Variants in NEK10 observed in about 807,000 individuals in gnomAD.
The protein encoded by NEK10 is serine/threonine-protein kinase Nek10.
In NEK10, 122 loss-of-function variants were observed where a neutral mutation model predicts 159.8. That is an observed-to-expected ratio of 0.76 (90% CI 0.66 to 0.89). The LOEUF (loss-of-function observed/expected upper bound fraction) is 0.89, where lower values mean the gene tolerates loss of function less well. NEK10 is among the 40% of genes least tolerant of loss of function. The probability of loss-of-function intolerance (pLI) is 0.00; values close to 1 mark genes in which losing one functional copy is unlikely to be tolerated. For synonymous variants in NEK10, 466 were observed against 457.1 expected, an observed-to-expected ratio of 1.02 and a Z score of -0.25; for missense variants, 1,342 against 1,323.1, an observed-to-expected ratio of 1.01 and a Z score of -0.22.
At chr3:27,166,569 GA>G (rs1327569139) in intron 29 of NEK10, among the ~76,000 whole-genome samples, 1 of 152,182 alleles carries the variant, frequency 6.6e-6, no homozygotes, top group African/African-American at 2.4e-5. Context: ...CCGCTTTTAA[GA>G]GGCAAGATCC....
At chr3:27,327,729 CTCTG>C (rs1433521437) in intron 5 of NEK10, among the ~76,000 whole-genome samples, 1 of 152,306 alleles carries the variant, frequency 6.6e-6, no homozygotes, top group East Asian at 1.9e-4. Flanking sequence ...TTGTAGCACA[CTCTG>C]TCTTTTTCAT....
chr3:27,134,444 G>A (rs568829730), intron 31 of NEK10, among the ~76,000 whole-genome samples: 5 of 152,190 alleles, frequency 3.3e-5, no homozygotes, highest in Admixed American at 1.3e-4. Context: ...GAAAGGCAGC[G>A]AGCCTTCTCT....
intron 28 of NEK10, 99 bp downstream of exon 28, chr3:27,174,340 G>T: frequency 6.3e-7 from 1 of 1,578,588 alleles, no homozygotes. Context: ...ACAAACCACT[G>T]GGTTATGTAT....
At chr3:27,254,918 TACAC>T (rs3035705) in intron 23 of NEK10, among the ~76,000 whole-genome samples, 2,347 of 141,820 alleles carry the variant, frequency 0.017, 22 homozygotes, top group Middle Eastern at 0.026. Flanking sequence ...CTCTTTCTCT[TACAC>T]ACACACACAC....
intron 30 of NEK10, 159 bp downstream of exon 30, chr3:27,162,542 T>C: frequency 3.1e-6 from 5 of 1,614,142 alleles, no homozygotes; most frequent in Non-Finnish European, 4.2e-6. Context: ...TCTATTTCCT[T>C]AATGTGGGCC....
intron 1 of NEK10, among the ~76,000 whole-genome samples, chr3:27,355,338 C>A (rs1382351152): frequency 6.6e-6 from 1 of 152,070 alleles, no homozygotes; most frequent in African/African-American, 2.4e-5. Context: ...TCAGCCCTAA[C>A]CCCATTCTGA....
At chr3:27,205,636 G>A (rs1315329820) in intron 23 of NEK10, among the ~76,000 whole-genome samples, 1 of 139,484 alleles carries the variant, frequency 7.2e-6, no homozygotes, top group African/African-American at 2.9e-5. Flanking sequence ...AAATGGTGCT[G>A]GGAAAACTGG....
At chr3:27,228,853 T>A (rs945870337) in intron 23 of NEK10, among the ~76,000 whole-genome samples, 3 of 152,156 alleles carry the variant, frequency 2.0e-5, no homozygotes, top group African/African-American at 7.2e-5. Context: ...CCTTTCCTGC[T>A]GGCCTGGCAG....
chr3:27,176,443 C>T (rs537141639), intron 26 of NEK10, among the ~76,000 whole-genome samples: 2 of 152,292 alleles, frequency 1.3e-5, no homozygotes, highest in South Asian at 2.1e-4. Context: ...AAGATATATG[C>T]TACTCAGAAA....
At chr3:27,243,287 GAAAT>G (rs1236805712) in intron 23 of NEK10, among the ~76,000 whole-genome samples, 1 of 152,014 alleles carries the variant, frequency 6.6e-6, no homozygotes, top group Admixed American at 6.6e-5. Flanking sequence ...AATGAGTTAA[GAAAT>G]AAATTGATGT....
chr3:27,252,768 G>C (rs926168615), intron 23 of NEK10: 1 of 404,386 alleles, frequency 2.5e-6, no homozygotes, highest in African/African-American at 2.1e-5. Flanking sequence ...ATGTGCAAAG[G>C]CCCTGTGGTC....
intron 23 of NEK10, among the ~76,000 whole-genome samples, chr3:27,246,007 G>C (rs1318266476): frequency 6.6e-6 from 1 of 152,044 alleles, no homozygotes; most frequent in Non-Finnish European, 1.5e-5. Flanking sequence ...ACTTGTAAAA[G>C]TAAAGACTAT....
rs117738816 is a variant in NEK10, at chr3:27,264,063, G to C, written c.2015-7692C>G. Among the ~76,000 whole-genome samples the C allele has an allele frequency of 5.8e-4, 88 of 152,266 alleles. No homozygotes were observed. The East Asian group carries it at 0.015, about 26-fold the overall frequency. On this transcript the variant is annotated intron_variant, in intron 22 of 35. Coordinates refer to ENST00000691995, the MANE Select transcript of NEK10 (RefSeq NM_001394966.1). ...ATAGATGAGGAAATAGGCTCAAAGA[G>C]AATGTGTGACTTGCCCAATGTCTCA...
intron 5 of NEK10, among the ~76,000 whole-genome samples, chr3:27,329,161 C>G (rs1469471998): frequency 6.6e-6 from 1 of 152,178 alleles, no homozygotes; most frequent in Non-Finnish European, 1.5e-5. Context: ...TTTCCCTGCA[C>G]AAGCTCTTTT....
intron 31 of NEK10, among the ~76,000 whole-genome samples, chr3:27,136,444 C>T (rs1943228038): frequency 6.6e-6 from 1 of 152,014 alleles, no homozygotes; most frequent in South Asian, 2.1e-4. Context: ...TGCTATATAT[C>T]CTGATTTTCA....
intron 35 of NEK10, among the ~76,000 whole-genome samples, chr3:27,115,468 A>G (rs191752266): frequency 6.3e-4 from 96 of 152,342 alleles, no homozygotes; most frequent in Admixed American, 5.6e-3. Flanking sequence ...AAATGGCAAC[A>G]TACAATAGCA....
At chr3:27,217,042 G>A (rs1951605844) in intron 23 of NEK10, among the ~76,000 whole-genome samples, 1 of 152,106 alleles carries the variant, frequency 6.6e-6, no homozygotes, top group Admixed American at 6.5e-5. Flanking sequence ...TTACTTATGA[G>A]TGATAAAGAT....
intron 26 of NEK10, among the ~76,000 whole-genome samples, chr3:27,185,855 G>T (rs1419571063): frequency 6.6e-6 from 1 of 152,140 alleles, no homozygotes; most frequent in East Asian, 1.9e-4. Flanking sequence ...AAAAACTAGA[G>T]ACAAGAAAGT....
intron 29 of NEK10, among the ~76,000 whole-genome samples, chr3:27,166,180 G>A (rs978653151): frequency 6.6e-6 from 1 of 152,276 alleles, no homozygotes; most frequent in African/African-American, 2.4e-5. Flanking sequence ...TATGTCCTGT[G>A]TGAATAAGCA....
Sources: allele counts gnomAD v4.1 joint callset (sites outside exome capture counted in the v4.1 genomes callset), GRCh38; gene constraint gnomAD v4.1.1; transcripts MANE v1.5; gene names NCBI Gene and HGNC (gene_info 2026-07-23, HGNC 2026-07-21).